STK33: variants seen among roughly 807,000 people sequenced by gnomAD.
STK33 encodes the protein serine/threonine kinase 33.
Under a neutral mutation model 58.0 loss-of-function variants are expected in STK33, and 52 were observed. The ratio of observed to expected loss-of-function variants is 0.90; its 90% CI spans 0.72 to 1.13. The LOEUF (loss-of-function observed/expected upper bound fraction) is 1.13. STK33 is among the 50% of genes most tolerant of loss of function. The pLI, the probability that STK33 is intolerant of heterozygous loss-of-function variation, is 0.00. For missense variants in STK33, 630 were observed against 604.2 expected (o/e 1.04, Z -0.45); for synonymous variants, 215 against 200.1 (o/e 1.07, Z -0.63).
chr11:8,360,969 C>T, the STK33 span, among the ~76,000 whole-genome samples: 1 of 152,226 alleles, frequency 6.6e-6, no homozygotes, highest in African/African-American at 2.4e-5. Context: ...AATCCCTCCA[C>T]AGCAGTACCT....
At chr11:8,349,339 C>T in the STK33 span, among the ~76,000 whole-genome samples, 2 of 152,160 alleles carry the variant, frequency 1.3e-5, no homozygotes, top group African/African-American at 4.8e-5. Flanking sequence ...CCTGGAGAAC[C>T]CTTTGTGCCC....
chr11:8,352,921 A>C, the STK33 span, among the ~76,000 whole-genome samples: 47 of 152,318 alleles, frequency 3.1e-4, 1 homozygote, highest in African/African-American at 1.1e-3. Flanking sequence ...GGGGTTCCAG[A>C]GGGAGCGGCA....
chr11:8,509,831 C>T (rs1388184558), intron 1 of STK33, among the ~76,000 whole-genome samples: 1 of 152,162 alleles, frequency 6.6e-6, no homozygotes, highest in Non-Finnish European at 1.5e-5. Flanking sequence ...GCTACAAGGG[C>T]CATTATTTCA....
At chr11:8,483,204 G>A (rs1368662382) in intron 1 of STK33, among the ~76,000 whole-genome samples, 1 of 152,054 alleles carries the variant, frequency 6.6e-6, no homozygotes, top group Non-Finnish European at 1.5e-5. Context: ...ATGAGTTAGA[G>A]TTCACCTGTG....
At chr11:8,537,582 T>C (rs770673082) in intron 1 of STK33, among the ~76,000 whole-genome samples, 3 of 152,092 alleles carry the variant, frequency 2.0e-5, no homozygotes, top group Non-Finnish European at 2.9e-5. Context: ...TTTTCTGTAG[T>C]ACACATTATT....
intron 1 of STK33, among the ~76,000 whole-genome samples, chr11:8,587,974 AG>A (rs1246483307): frequency 1.3e-5 from 2 of 152,180 alleles, no homozygotes; most frequent in Admixed American, 1.3e-4. Context: ...ACAGTTCTGG[AG>A]GCTGAGAAGT....
At chr11:8,490,220 T>C (rs770824757) in intron 1 of STK33, among the ~76,000 whole-genome samples, 10 of 152,196 alleles carry the variant, frequency 6.6e-5, no homozygotes, top group Non-Finnish European at 1.3e-4. Flanking sequence ...GCCTAAATAC[T>C]GTACTTTTCC....
Position 8,392,405 on chromosome 11 carries a change from A to C in STK33, c.*105T>G. 7.6e-7 allele frequency: 1 copy of C among 1,316,714 alleles called. No individual in the cohort carries two copies. The highest frequency in any genetic ancestry group is 1.1e-6 in the Non-Finnish European group (1 of 940,038). 81.6% of individuals were successfully genotyped at this position (1,316,714 alleles called of 1,614,324 possible). A position where few individuals can be genotyped will look rare whatever the true frequency, so the allele number is the denominator to read the frequency against. ...CATGGCGGGGCTCTGTGGAGCTAAA[A>C]GGCTACAAGCTCAGCATAGGGCTGT... On this transcript the variant is annotated 3_prime_UTR_variant, in exon 16 of 16. Coordinates refer to ENST00000687296, the MANE Select transcript of STK33 (RefSeq NM_001352389.2).
chr11:8,339,612 T>C, the STK33 span, among the ~76,000 whole-genome samples: 2 of 151,980 alleles, frequency 1.3e-5, no homozygotes, highest in African/African-American at 4.8e-5. Context: ...GGCGCCCGGC[T>C]GGTGACCAGG....
rs142605181 is a variant in STK33 at position 8,525,738 on chromosome 11, A to G, written c.-465-45124T>C. On this transcript the variant is annotated intron_variant, in intron 1 of 15. Transcript: ENST00000687296. Reference sequence around the variant, plus strand: ...GATAAAGCCTTAAGAATTTCTGTTCATCAAAGATACCATTAAGAGAGTGAA... The same window carrying G: ...GATAAAGCCTTAAGAATTTCTGTTCGTCAAAGATACCATTAAGAGAGTGAA... Among the ~76,000 whole-genome samples, 618 of 152,338 alleles carry G rather than the reference A, an allele frequency of 4.1e-3. 5 individuals are homozygous for G. Among genetic ancestry groups the G allele is most frequent in the African/African-American group, 0.014 (590 of 41,580 alleles).
At chr11:8,461,444 CA>C (rs1947509874) in intron 8 of STK33, among the ~76,000 whole-genome samples, 1 of 152,080 alleles carries the variant, frequency 6.6e-6, no homozygotes, top group Non-Finnish European at 1.5e-5. Context: ...GTTAACTTTG[CA>C]AAATTATGAA....
At chr11:8,518,581 G>A (rs1312172890) in intron 1 of STK33, among the ~76,000 whole-genome samples, 1 of 152,254 alleles carries the variant, frequency 6.6e-6, no homozygotes, top group Non-Finnish European at 1.5e-5. Flanking sequence ...TCAGTGTGCT[G>A]TATTCAGGAG....
intron 1 of STK33, among the ~76,000 whole-genome samples, chr11:8,566,481 G>T (rs1957451507): frequency 1.3e-5 from 2 of 152,114 alleles, no homozygotes; most frequent in South Asian, 4.1e-4. Context: ...ACACAAAATT[G>T]GTCTAATGTT....
chr11:8,513,764 T>C (rs978449247), intron 1 of STK33, among the ~76,000 whole-genome samples: 4 of 152,186 alleles, frequency 2.6e-5, no homozygotes, highest in African/African-American at 9.7e-5. Context: ...AATAACCACA[T>C]CAGGATAAAT....
chr11:8,511,203 A>G (rs1459449596), intron 1 of STK33, among the ~76,000 whole-genome samples: 1 of 151,778 alleles, frequency 6.6e-6, no homozygotes, highest in Admixed American at 6.6e-5. Context: ...AAGATCTTCC[A>G]CCTCCTTGGT....
intron 14 of STK33, among the ~76,000 whole-genome samples, chr11:8,424,757 T>TC (rs1338834570): frequency 6.9e-6 from 1 of 145,650 alleles, no homozygotes; most frequent in Admixed American, 6.8e-5. Flanking sequence ...GAGCATTTTT[T>TC]CACGTGTCTT....
chr11:8,381,014 A>G, the STK33 span, among the ~76,000 whole-genome samples: 1 of 152,232 alleles, frequency 6.6e-6, no homozygotes, highest in Non-Finnish European at 1.5e-5. Context: ...GAACTCAGGA[A>G]TGGAAAATCA....
At chr11:8,380,487 G>A in the STK33 span, among the ~76,000 whole-genome samples, 3 of 151,616 alleles carry the variant, frequency 2.0e-5, no homozygotes, top group Non-Finnish European at 4.4e-5. Context: ...TTGAAACCGG[G>A]AGGCAGAGGT....
At chr11:8,353,476 G>A in the STK33 span, among the ~76,000 whole-genome samples, 2 of 152,234 alleles carry the variant, frequency 1.3e-5, no homozygotes, top group East Asian at 1.9e-4. Flanking sequence ...ACACAGCTCC[G>A]TTTCTAGTTC....
Sources: gnomAD v4.1 joint callset for allele counts (sites outside exome capture counted in the v4.1 genomes callset) on GRCh38, gnomAD v4.1.1 for gene constraint, MANE v1.5 for transcripts, NCBI Gene and HGNC (gene_info 2026-07-23, HGNC 2026-07-21) for gene names.